PRCC: variants seen among roughly 807,000 people sequenced by gnomAD.
PRCC encodes the protein proline-rich protein PRCC.
PRCC carries 10 observed loss-of-function variants against 44.0 expected under a neutral mutation model. That is an observed-to-expected ratio of 0.23 (90% CI 0.14 to 0.39). PRCC has a LOEUF of 0.39. PRCC is among the 10% of genes least tolerant of loss of function. The pLI is 1.00. For synonymous variants in PRCC, 278 were observed against 259.5 expected, an observed-to-expected ratio of 1.07 and a Z score of -0.69; for missense variants, 573 against 624.7, an observed-to-expected ratio of 0.92 and a Z score of 0.88.
At chr1:156,788,326 G>T (rs1571588933) in intron 3 of PRCC, among the ~76,000 whole-genome samples, 2 of 152,136 alleles carry the variant, frequency 1.3e-5, no homozygotes, top group African/African-American at 4.8e-5. Flanking sequence ...CAAAGGACAT[G>T]ATTTTGTTCT....
At chr1:156,785,162 T>C (rs1652191080) in intron 2 of PRCC, among the ~76,000 whole-genome samples, 1 of 152,188 alleles carries the variant, frequency 6.6e-6, no homozygotes, top group African/African-American at 2.4e-5. Flanking sequence ...GAACTGAAGA[T>C]GATCTTATAA....
chr1:156,789,479 A>G (rs1652402608), intron 3 of PRCC, among the ~76,000 whole-genome samples: 1 of 152,212 alleles, frequency 6.6e-6, no homozygotes, highest in South Asian at 2.1e-4. Flanking sequence ...AAGGGAATCT[A>G]TGGCATAGAT....
rs939882457 is a variant in PRCC at position 156,767,900 on chromosome 1, T to G, written c.129T>G (p.Pro43=). The stretch of plus-strand genomic sequence containing the variant: ...TAGGGGGCTTGTTCGCTTCTCTCCC[T>G]GCGCCCAAGGGTCCGGCCTTGCTGC... ...PALGGLFASL[P]APKGPALLPP... is the part of the protein sequence containing the mutation. The change falls in exon 1 of 7, where the codon CCT becomes CCG. Residue 43 remains proline (P), a synonymous_variant. Transcript: ENST00000271526. 1 of 1,603,284 alleles carries G rather than the reference T, an allele frequency of 6.2e-7. No homozygotes were observed. Among genetic ancestry groups the G allele is most frequent in the African/African-American group, 1.3e-5 (1 of 74,810 alleles).
chr1:156,791,108 C>G (rs986699479), intron 3 of PRCC: 5 of 1,417,324 alleles, frequency 3.5e-6, no homozygotes, highest in Non-Finnish European at 4.8e-6. Flanking sequence ...TAAGGGGAAT[C>G]ATGAGATTCC....
At chr1:156,794,010 T>C (rs1652578435) in intron 4 of PRCC, among the ~76,000 whole-genome samples, 1 of 145,254 alleles carries the variant, frequency 6.9e-6, no homozygotes, top group Non-Finnish European at 1.5e-5. Flanking sequence ...CAGGCTGGAG[T>C]GCAATGGTGC....
chr1:156,782,685 C>G (rs1363369738), intron 2 of PRCC, among the ~76,000 whole-genome samples: 1 of 152,174 alleles, frequency 6.6e-6, no homozygotes, highest in African/African-American at 2.4e-5. Flanking sequence ...TTCTTCCTGT[C>G]TCATTTTTAA....
At chr1:156,779,124 ATATATTTTTTTTTTTTT>A (rs1488830176) in intron 1 of PRCC, among the ~76,000 whole-genome samples, 344 of 25,082 alleles carry the variant, frequency 0.014, no homozygotes, top group Admixed American at 0.018. Context: ...ATATATATAT[ATATATTTTTTTTTTTTT>A]TTTTTTTTTT....
intron 1 of PRCC, 54 bp downstream of exon 1, chr1:156,768,293 T>C: frequency 6.7e-7 from 1 of 1,499,494 alleles, no homozygotes; most frequent in Non-Finnish European, 9.0e-7. Flanking sequence ...GAGTCGGCTG[T>C]AGGAGGGACA....
intron 1 of PRCC, among the ~76,000 whole-genome samples, chr1:156,773,939 C>T (rs537186233): frequency 2.0e-5 from 3 of 152,220 alleles, no homozygotes; most frequent in East Asian, 1.9e-4. Context: ...AATTCCGATA[C>T]GTGCTACAAC....
intron 1 of PRCC, among the ~76,000 whole-genome samples, chr1:156,774,320 G>A (rs1008476047): frequency 1.3e-5 from 2 of 149,562 alleles, no homozygotes; most frequent in South Asian, 2.1e-4. Flanking sequence ...GGATTAAGGC[G>A]CCCGCCACTA....
At chr1:156,773,716 G>A (rs1004294677) in intron 1 of PRCC, among the ~76,000 whole-genome samples, 2 of 152,140 alleles carry the variant, frequency 1.3e-5, no homozygotes, top group African/African-American at 4.8e-5. Flanking sequence ...TCCTCAAAAG[G>A]TTAAACAAAC....
At chr1:156,797,590 C>G (rs1652702365) in intron 6 of PRCC, among the ~76,000 whole-genome samples, 1 of 152,110 alleles carries the variant, frequency 6.6e-6, no homozygotes, top group Non-Finnish European at 1.5e-5. Context: ...AAGTGAAAAT[C>G]CAGATATCCA....
At position 156,800,675 on chromosome 1, in the gene PRCC, A is replaced by G; in HGVS notation, c.*215A>G. 1.9e-6 allele frequency: 1 copy of G among 516,022 alleles called. No homozygotes were observed. Among genetic ancestry groups the G allele is most frequent in the Non-Finnish European group, 3.5e-6 (1 of 286,812 alleles). 32.0% of individuals were successfully genotyped at this position (516,022 alleles called of 1,614,324 possible). On this transcript the variant is annotated 3_prime_UTR_variant, in exon 7 of 7. Coordinates refer to ENST00000271526, the MANE Select transcript of PRCC (RefSeq NM_005973.5). ...CCTGGAGCTAGCAAAGACTTGTGTGATGCCTCCGAAGGGGCTCTGAGTTCT... is the reference window on the plus strand; with the variant it reads ...CCTGGAGCTAGCAAAGACTTGTGTGGTGCCTCCGAAGGGGCTCTGAGTTCT...
chr1:156,768,775 T>C (rs939643058), intron 1 of PRCC, among the ~76,000 whole-genome samples: 1 of 152,166 alleles, frequency 6.6e-6, no homozygotes, highest in Non-Finnish European at 1.5e-5. Flanking sequence ...TTGCCGTTCA[T>C]TGGTCCTTTC....
intron 3 of PRCC, among the ~76,000 whole-genome samples, chr1:156,788,441 A>G (rs576039232): frequency 4.6e-5 from 7 of 152,244 alleles, no homozygotes; most frequent in African/African-American, 1.7e-4. Context: ...TTGCTATTGC[A>G]AACAGTGCTG....
At chr1:156,788,077 C>T (rs1197616109) in intron 3 of PRCC, among the ~76,000 whole-genome samples, 1 of 152,124 alleles carries the variant, frequency 6.6e-6, no homozygotes, top group Non-Finnish European at 1.5e-5. Context: ...CTTAAGGGAT[C>T]TGCCCGTTGC....
chr1:156,781,378 G>C (rs1379168463), intron 1 of PRCC, among the ~76,000 whole-genome samples: 1 of 152,252 alleles, frequency 6.6e-6, no homozygotes, highest in Non-Finnish European at 1.5e-5. Flanking sequence ...TCTTGGAGAT[G>C]AATGGGATCT....
chr1:156,790,940 A>G (rs1047269042), intron 3 of PRCC: 1 of 492,872 alleles, frequency 2.0e-6, no homozygotes, highest in Non-Finnish European at 4.0e-6. Flanking sequence ...CATTTCTTGG[A>G]GTTTAAGACG....
At chr1:156,790,276 C>CTA (rs1206352287) in intron 3 of PRCC, among the ~76,000 whole-genome samples, 1 of 152,326 alleles carries the variant, frequency 6.6e-6, no homozygotes, top group African/African-American at 2.4e-5. Context: ...TTGTTGTTTC[C>CTA]TATAGGCTGA....
Sources: gnomAD v4.1 joint callset for allele counts (sites outside exome capture counted in the v4.1 genomes callset) on GRCh38, gnomAD v4.1.1 for gene constraint, MANE v1.5 for transcripts, NCBI Gene and HGNC (gene_info 2026-07-23, HGNC 2026-07-21) for gene names.